MYO9A: variants seen among roughly 807,000 people sequenced by gnomAD.
MYO9A encodes the protein myosin IXA.
MYO9A carries 103 observed loss-of-function variants against 293.3 expected under a neutral mutation model. The ratio of observed to expected loss-of-function variants is 0.35; its 90% CI spans 0.30 to 0.41. The LOEUF (loss-of-function observed/expected upper bound fraction) is 0.41, where lower values mean the gene tolerates loss of function less well. Ranked by LOEUF, MYO9A falls within the 10% of genes least tolerant of loss-of-function variation. The pLI is 1.00. For synonymous variants in MYO9A, 1,001 were observed against 1,035.7 expected, an observed-to-expected ratio of 0.97 and a Z score of 0.64; for missense variants, 2,685 against 3,033.0, an observed-to-expected ratio of 0.89 and a Z score of 2.69.
In MYO9A at chr15:72,093,898, A is replaced by AT. The variant is rs902815546; in HGVS notation, c.-72+23781dup. Among the ~76,000 whole-genome samples, 9 of 12,196 alleles carry AT rather than the reference A, an allele frequency of 7.4e-4. 2 individuals carry two copies. The highest frequency in any genetic ancestry group is 7.9e-4 in the African/African-American group (9 of 11,336). 8.0% of individuals were successfully genotyped at this position (12,196 alleles called of 152,430 possible). A position where few individuals can be genotyped will look rare whatever the true frequency, so the allele number is the denominator to read the frequency against. On this transcript the variant is annotated intron_variant, in intron 1 of 41. Transcript: ENST00000356056. ...TGAGACTCCATCTCAAAAAAATTAA[A>AT]TAAAAAAAACCACACAAATAAAAAA...
chr15:72,088,671 C>T (rs927107764), intron 1 of MYO9A, among the ~76,000 whole-genome samples: 5 of 152,290 alleles, frequency 3.3e-5, no homozygotes, highest in African/African-American at 1.2e-4. Flanking sequence ...CCAAAAAGAG[C>T]TCTACCAGTC....
chr15:71,880,573 A>G lies in MYO9A; in HGVS notation c.5399-15T>C. 6.2e-7 allele frequency: 1 copy of G among 1,600,372 alleles called. No individual in the cohort carries two copies. Among genetic ancestry groups the G allele is most frequent in the South Asian group, 1.1e-5 (1 of 90,160 alleles). On this transcript the variant is annotated splice_polypyrimidine_tract_variant and intron_variant, in intron 28 of 41. Transcript: ENST00000356056. Reference sequence around the variant, plus strand: ...TGCAGCTAATTCTACAATTCAAGATAGAAGACCCAAAAGGACACATTTAGT... The same window carrying G: ...TGCAGCTAATTCTACAATTCAAGATGGAAGACCCAAAAGGACACATTTAGT...
rs2142455296 is a variant in MYO9A at position 71,879,756 on chromosome 15, G to C, written c.5704C>G (p.Gln1902Glu). ...GATGAATAAAAGCTGAAGATATTCT[G>C]CCGAAATTCCTTCAGGGCTTTTTTA... ...VFKKALKEFR[Q>E]NIFSFYSSAL... The change falls in exon 30 of 42, where the codon CAG becomes GAG. Residue 1902 changes from glutamine to glutamate, a missense_variant. By Grantham distance (29) the Gln-to-Glu change is conservative. Coordinates refer to ENST00000356056, the MANE Select transcript of MYO9A (RefSeq NM_006901.4). 3 of 1,613,434 alleles carry C rather than the reference G, an allele frequency of 1.9e-6. No homozygotes were observed. Among genetic ancestry groups the C allele is most frequent in the African/African-American group, 1.3e-5 (1 of 75,016 alleles).
At chr15:71,934,786 C>CTTTTTTTTTT (rs1167613386) in intron 17 of MYO9A, among the ~76,000 whole-genome samples, 470 of 61,706 alleles carry the variant, frequency 7.6e-3, no homozygotes, top group East Asian at 0.011. Context: ...CTTTTCTTTT[C>CTTTTTTTTTT]TTTTTTTTTT....
intron 6 of MYO9A, among the ~76,000 whole-genome samples, chr15:72,018,541 C>T (rs189499901): frequency 2.9e-4 from 44 of 152,034 alleles, no homozygotes; most frequent in African/African-American, 1.0e-3. Flanking sequence ...AGGCTACAGA[C>T]TCTGGCTACT....
intron 39 of MYO9A, among the ~76,000 whole-genome samples, chr15:71,834,247 T>A (rs2140778131): frequency 6.6e-6 from 1 of 152,204 alleles, no homozygotes; most frequent in South Asian, 2.1e-4. Flanking sequence ...GAGAAATTTC[T>A]ATGAAAATCT....
At chr15:72,009,055 T>C (rs2077099313) in intron 7 of MYO9A, among the ~76,000 whole-genome samples, 1 of 152,098 alleles carries the variant, frequency 6.6e-6, no homozygotes, top group Non-Finnish European at 1.5e-5. Flanking sequence ...ATCATTCACG[T>C]GACTCACAGG....
chr15:72,080,980 T>C lies in MYO9A; in HGVS notation c.-71-34346A>G, dbSNP rs530248530. Reference sequence around the variant, plus strand: ...GGTCTACCACTGATGGGCATTTAGGTTGATTCCACGTCCTTGTTATCATAA... The same window carrying C: ...GGTCTACCACTGATGGGCATTTAGGCTGATTCCACGTCCTTGTTATCATAA... On this transcript the variant is annotated intron_variant, in intron 1 of 41. Transcript: ENST00000356056. 2.2e-4 allele frequency among the ~76,000 whole-genome samples: 33 copies of C among 152,318 alleles called. No individual in the cohort carries two copies. In the South Asian group the frequency reaches 6.2e-3, roughly 29 times the overall value.
chr15:72,036,671 G>C (rs2078057353), intron 2 of MYO9A: 1 of 151,788 alleles, frequency 6.6e-6, no homozygotes, highest in Admixed American at 6.6e-5. Context: ...GCATTTCCCT[G>C]GAAAAACTCA....
chr15:72,097,726 G>A (rs536131961), intron 1 of MYO9A, among the ~76,000 whole-genome samples: 1 of 152,162 alleles, frequency 6.6e-6, no homozygotes, highest in Middle Eastern at 3.4e-3. Context: ...TGGCCAACAT[G>A]GTGTAACCCC....
At chr15:72,063,112 A>G (rs1261204844) in intron 1 of MYO9A, among the ~76,000 whole-genome samples, 3 of 152,256 alleles carry the variant, frequency 2.0e-5, no homozygotes, top group Non-Finnish European at 4.4e-5. Flanking sequence ...TAGTGAATTC[A>G]TTTTTGACAA....
At chr15:71,848,729 TTTAC>T in intron 39 of MYO9A, 112 bp downstream of exon 39, 4 of 1,250,530 alleles carry the variant, frequency 3.2e-6, no homozygotes, top group Non-Finnish European at 4.3e-6. Flanking sequence ...TTGGTGACGT[TTTAC>T]TTGTTTTTTA....
intron 1 of MYO9A, among the ~76,000 whole-genome samples, chr15:72,116,132 G>C (rs1395991664): frequency 6.6e-6 from 1 of 152,214 alleles, no homozygotes; most frequent in Admixed American, 6.5e-5. Flanking sequence ...CATGAAGCTG[G>C]AAATAGTGGT....
chr15:71,998,279 C>G (rs374237717), intron 9 of MYO9A, among the ~76,000 whole-genome samples: 2 of 152,088 alleles, frequency 1.3e-5, no homozygotes, highest in Admixed American at 1.3e-4. Flanking sequence ...TGAGAACACA[C>G]GGAGACATAA....
chr15:71,978,299 A>G lies in MYO9A; in HGVS notation c.1723-7T>C, dbSNP rs1398865114. ...CTTCAGTTCTATATTCCTCCTAGAA[A>G]AACCAAAAAATAAAATAACAATTTA... On this transcript the variant is annotated splice_polypyrimidine_tract_variant and splice_region_variant and intron_variant, in intron 11 of 41. Coordinates refer to ENST00000356056, the MANE Select transcript of MYO9A (RefSeq NM_006901.4). 6.3e-7 allele frequency: 1 copy of G among 1,594,024 alleles called. No homozygotes were observed. The highest frequency in any genetic ancestry group is 2.3e-5 in the East Asian group (1 of 44,368).
At chr15:71,922,549 T>G (rs1204539551) in intron 18 of MYO9A, among the ~76,000 whole-genome samples, 2 of 152,170 alleles carry the variant, frequency 1.3e-5, no homozygotes, top group Admixed American at 1.3e-4. Context: ...AAAAGATCAC[T>G]AGAACCTGTC....
At chr15:72,067,017 T>C (rs2150095357) in intron 1 of MYO9A, among the ~76,000 whole-genome samples, 1 of 149,206 alleles carries the variant, frequency 6.7e-6, no homozygotes, top group South Asian at 2.1e-4. Flanking sequence ...TTACATTATA[T>C]ATTACAATAT....
At chr15:71,985,747 T>C (rs2076392854) in intron 11 of MYO9A, among the ~76,000 whole-genome samples, 1 of 152,198 alleles carries the variant, frequency 6.6e-6, no homozygotes, top group Admixed American at 6.5e-5. Flanking sequence ...TAAAACTTAT[T>C]TGAAGGTACT....
chr15:72,071,569 C>T (rs1297838301), intron 1 of MYO9A, among the ~76,000 whole-genome samples: 5 of 151,944 alleles, frequency 3.3e-5, no homozygotes, highest in Non-Finnish European at 7.4e-5. Flanking sequence ...GGTGAAACCC[C>T]GTCTCTACCA....
Sources: allele counts gnomAD v4.1 joint callset (sites outside exome capture counted in the v4.1 genomes callset), GRCh38; gene constraint gnomAD v4.1.1; transcripts MANE v1.5; gene names NCBI Gene and HGNC (gene_info 2026-07-23, HGNC 2026-07-21).